Variants in ERCC4 observed in about 807,000 individuals in gnomAD.
ERCC4 encodes ERCC excision repair 4, endonuclease catalytic subunit.
In ERCC4, 65 loss-of-function variants were observed where a neutral mutation model predicts 76.9. That is an observed-to-expected ratio of 0.84 (90% CI 0.69 to 1.04). ERCC4 has a LOEUF of 1.04. ERCC4 is among the 50% of genes least tolerant of loss of function. The probability of loss-of-function intolerance (pLI) is 0.00; values close to 1 mark genes in which losing one functional copy is unlikely to be tolerated. For missense variants in ERCC4, 1,214 were observed against 1,128.2 expected (o/e 1.08, Z -1.09); for synonymous variants, 463 against 410.1 (o/e 1.13, Z -1.56).
chr16:13,931,066 GC>G (rs1340739829), intron 5 of ERCC4, 176 bp downstream of exon 5: 1 of 628,382 alleles, frequency 1.6e-6, no homozygotes, highest in African/African-American at 1.8e-5. Flanking sequence ...TAATGTTTCC[GC>G]CTACTTAACG....
chr16:13,928,727 A>C (rs1029596025), intron 4 of ERCC4, among the ~76,000 whole-genome samples: 7 of 152,124 alleles, frequency 4.6e-5, no homozygotes, highest in African/African-American at 1.7e-4. Context: ...TATTCTAACT[A>C]ATTTTTTATT....
rs183480198 is a variant in ERCC4, at chr16:13,945,784, T to C, written c.2017+949T>C. Among the ~76,000 whole-genome samples, 119 of 152,328 alleles carry C rather than the reference T, an allele frequency of 7.8e-4. 1 individual carries two copies. Among genetic ancestry groups the C allele is most frequent in the East Asian group, 4.1e-3 (21 of 5,178 alleles). ...TATCAACCAGGTTGTTGACATTTCA[T>C]GAAGAACGACAGAATGTAAGGCAGT... On this transcript the variant is annotated intron_variant, in intron 10 of 10. Transcript: ENST00000311895.
In ERCC4 at chr16:13,935,682, G is replaced by A. The variant is rs1380136628; in HGVS notation, c.1750G>A (p.Glu584Lys). ...AAGATACGTGGTTCTTTATGACGCA[G>A]AGCTAACCTTTGTTCGGCAGCTTGA... ...EPRYVVLYDA[E>K]LTFVRQLEIY... is the part of the protein sequence containing the mutation. Residue 584 changes from glutamate (E) to lysine (K), a missense_variant, in exon 8 of 11, where the codon GAG becomes AAG. Transcript: ENST00000311895. The A allele has an allele frequency of 1.2e-6, 2 of 1,614,174 alleles. No homozygotes were observed. Among genetic ancestry groups the A allele is most frequent in the South Asian group, 1.1e-5 (1 of 91,080 alleles).
intron 9 of ERCC4, among the ~76,000 whole-genome samples, chr16:13,941,945 G>A (rs2032420367): frequency 6.6e-6 from 1 of 152,196 alleles, no homozygotes; most frequent in Admixed American, 6.5e-5. Context: ...AAGACTGGGT[G>A]CAGTGGCTCA....
chr16:13,940,824 G>A (rs1239203964), intron 9 of ERCC4, among the ~76,000 whole-genome samples: 1 of 152,240 alleles, frequency 6.6e-6, no homozygotes, highest in African/African-American at 2.4e-5. Context: ...AAGAGCCAGT[G>A]TTGAGGAGAG....
In ERCC4 at chr16:13,932,172, A is replaced by C. The variant is rs777183693; in HGVS notation, c.989A>C (p.Asp330Ala). Residue 330 changes from aspartate to alanine, a missense_variant, in exon 6 of 11, where the codon GAC (aspartate) becomes GCC (alanine). By Grantham distance (126) the Asp-to-Ala change is moderately radical (BLOSUM62 -2). Transcript: ENST00000311895. ...TTCGTATTAGGTTGGCTGTTTCTTG[A>C]CTCCAGCACCTCGATGTTTATAAAT... Reference protein sequence around the residue: ...FGQNSGWLFLDSSTSMFINAR... With the variant: ...FGQNSGWLFLASSTSMFINAR... 28 of 1,613,466 alleles carry C rather than the reference A, an allele frequency of 1.7e-5. No homozygotes were observed. Among genetic ancestry groups the C allele is most frequent in the Non-Finnish European group, 1.9e-5 (22 of 1,179,620 alleles).
chr16:13,935,600 G>T lies in ERCC4; in HGVS notation c.1668G>T (p.Pro556=). 6.2e-7 allele frequency: 1 copy of T among 1,614,100 alleles called. No homozygotes were observed. The highest frequency in any genetic ancestry group is 8.5e-7 in the Non-Finnish European group (1 of 1,180,000). ...AAGAACCCCTCACTATCATCCATCC[G>T]CTTCTGGGTTGCAGCGACCCCTATG... ...ILKEPLTIIH[P]LLGCSDPYAL... is the part of the protein sequence containing the mutation. The change falls in exon 8 of 11, where the codon CCG becomes CCT. Residue 556 remains proline (P), a synonymous_variant. Coordinates refer to ENST00000311895, the MANE Select transcript of ERCC4 (RefSeq NM_005236.3).
intron 2 of ERCC4, chr16:13,922,446 TGCACAAC>T: frequency 1.3e-6 from 1 of 758,842 alleles, no homozygotes; most frequent in South Asian, 1.3e-5. Flanking sequence ...TGTTGTGAAT[TGCACAAC>T]TCACACAGTA....
intron 4 of ERCC4, among the ~76,000 whole-genome samples, chr16:13,929,998 G>A (rs567753504): frequency 2.6e-5 from 4 of 152,056 alleles, no homozygotes; most frequent in Non-Finnish European, 5.9e-5. Context: ...TTAGTCCATT[G>A]TTAATTTAAC....
intron 8 of ERCC4, among the ~76,000 whole-genome samples, chr16:13,936,670 GT>G (rs2032301479): frequency 6.6e-6 from 1 of 152,244 alleles, no homozygotes; most frequent in Non-Finnish European, 1.5e-5. Context: ...TGGTGACTGA[GT>G]TGGCCTTGGC....
intron 2 of ERCC4, among the ~76,000 whole-genome samples, chr16:13,922,955 A>G (rs1293958188): frequency 2.6e-5 from 4 of 152,244 alleles, no homozygotes. Flanking sequence ...TTTAGAACTT[A>G]ATCAGATTTG....
chr16:13,947,058 G>A (rs1008342247), intron 10 of ERCC4, among the ~76,000 whole-genome samples: 6 of 152,244 alleles, frequency 3.9e-5, no homozygotes, highest in Non-Finnish European at 5.9e-5. Context: ...CACCGCGCCC[G>A]GCCCGAATCT....
At chr16:13,944,057 G>A (rs890319951) in intron 9 of ERCC4, 1 of 153,592 alleles carries the variant, frequency 6.5e-6, no homozygotes, top group African/African-American at 2.4e-5. Flanking sequence ...AGAGCACCAC[G>A]CAGGAACACT....
intron 8 of ERCC4, among the ~76,000 whole-genome samples, chr16:13,936,048 G>A (rs2032285437): frequency 6.6e-6 from 1 of 152,098 alleles, no homozygotes; most frequent in Non-Finnish European, 1.5e-5. Flanking sequence ...TCTGGGAAAT[G>A]CATAATATTC....
intron 7 of ERCC4, chr16:13,934,593 T>C: frequency 2.6e-6 from 1 of 382,878 alleles, no homozygotes; most frequent in Non-Finnish European, 4.8e-6. Context: ...TTAGAACTTC[T>C]ATTTAAAGAT....
At chr16:13,925,961 T>C (rs575250664) in intron 2 of ERCC4, among the ~76,000 whole-genome samples, 82 of 152,308 alleles carry the variant, frequency 5.4e-4, no homozygotes, top group African/African-American at 1.8e-3. Context: ...CATGTATAAG[T>C]ATGTCGATTG....
Position 13,951,786 on chromosome 16 carries a change from G to A in ERCC4, c.*3439G>A, listed in dbSNP as rs192113185. 3.0e-3 allele frequency: 656 copies of A among 221,580 alleles called. 2 individuals are homozygous for A. The highest frequency in any genetic ancestry group is 4.2e-3 in the Middle Eastern group (3 of 714). The allele number at this position is 221,580 out of a possible 1,614,324, so 13.7% of individuals were successfully genotyped here. On this transcript the variant is annotated 3_prime_UTR_variant, in exon 11 of 11. Transcript: ENST00000311895. ...CATTACTGGTCTTTCCTTTTGTTTTGCAAGCATAATTTGATTTTCCTTTGG... is the reference window on the plus strand; with the variant it reads ...CATTACTGGTCTTTCCTTTTGTTTTACAAGCATAATTTGATTTTCCTTTGG...
intron 2 of ERCC4, among the ~76,000 whole-genome samples, chr16:13,923,921 T>G (rs2032026144): frequency 6.6e-6 from 1 of 152,178 alleles, no homozygotes; most frequent in Non-Finnish European, 1.5e-5. Context: ...TCCTGTGACT[T>G]TCAGTTACAG....
rs1029434870 is a variant in ERCC4 at position 13,922,470 on chromosome 16, C to T, written c.388+259C>T. 9.3e-6 allele frequency: 7 copies of T among 755,874 alleles called. No homozygotes were observed. The African/African-American group carries it at 1.0e-4, about 11-fold the overall frequency. 46.8% of individuals were successfully genotyped at this position (755,874 alleles called of 1,614,324 possible). A position where few individuals can be genotyped will look rare whatever the true frequency, so the allele number is the denominator to read the frequency against. On this transcript the variant is annotated intron_variant, in intron 2 of 10. Coordinates refer to ENST00000311895, the MANE Select transcript of ERCC4 (RefSeq NM_005236.3). The stretch of plus-strand genomic sequence containing the variant: ...TTGCACAACTCACACAGTAATTTAG[C>T]TTCACATACATCTTGGGAAGCACAT...
Sources: gnomAD v4.1 joint callset for allele counts (sites outside exome capture counted in the v4.1 genomes callset) on GRCh38, gnomAD v4.1.1 for gene constraint, MANE v1.5 for transcripts, NCBI Gene and HGNC (gene_info 2026-07-23, HGNC 2026-07-21) for gene names.